The following TLCD4 variants were observed in gnomAD, a reference collection of about 807,000 sequenced individuals.
TLCD4 encodes TLC domain containing 4.
Under a neutral mutation model 24.2 loss-of-function variants are expected in TLCD4, and 7 were observed. That is an observed-to-expected ratio of 0.29 (90% CI 0.16 to 0.54). The LOEUF (loss-of-function observed/expected upper bound fraction) is 0.54, where lower values mean the gene tolerates loss of function less well. Ranked by LOEUF, TLCD4 falls within the 20% of genes least tolerant of loss-of-function variation. The pLI, the probability that TLCD4 is intolerant of heterozygous loss-of-function variation, is 0.95. For missense variants in TLCD4, 259 were observed against 313.9 expected, an observed-to-expected ratio of 0.82 and a Z score of 1.32; for synonymous variants, 103 against 106.4, an observed-to-expected ratio of 0.97 and a Z score of 0.20.
At chr1:95,185,660 A>G (rs555669563) in intron 6 of TLCD4, among the ~76,000 whole-genome samples, 15 of 152,318 alleles carry the variant, frequency 9.8e-5, no homozygotes, top group Admixed American at 8.5e-4. Context: ...AATAGTACAT[A>G]TATTTTCTTT....
At chr1:95,157,665 T>C (rs1677671629) in intron 5 of TLCD4, among the ~76,000 whole-genome samples, 2 of 152,288 alleles carry the variant, frequency 1.3e-5, no homozygotes, top group South Asian at 4.1e-4. Flanking sequence ...AAAGGCTCAT[T>C]GGTAGGAGTT....
At chr1:95,142,806 C>G (rs1250357668) in intron 1 of TLCD4, among the ~76,000 whole-genome samples, 3 of 151,974 alleles carry the variant, frequency 2.0e-5, no homozygotes, top group Non-Finnish European at 4.4e-5. Flanking sequence ...AAAAATTAAC[C>G]GAGTGTGGTG....
chr1:95,186,763 T>C (rs1678843729), intron 6 of TLCD4, among the ~76,000 whole-genome samples: 1 of 152,240 alleles, frequency 6.6e-6, no homozygotes, highest in South Asian at 2.1e-4. Context: ...ATTATTTCAT[T>C]AATTTAGCCA....
At chr1:95,111,319 A>AG in the TLCD4 span, among the ~76,000 whole-genome samples, 1 of 58,136 alleles carries the variant, frequency 1.7e-5, no homozygotes, top group African/African-American at 5.7e-5. Flanking sequence ...AAAACAAAAC[A>AG]AAAAAAAAGA....
chr1:95,178,729 C>T (rs1409974827), intron 6 of TLCD4, among the ~76,000 whole-genome samples: 1 of 152,050 alleles, frequency 6.6e-6, no homozygotes, highest in Non-Finnish European at 1.5e-5. Context: ...TTGCAATGAC[C>T]TTGGACAAGT....
chr1:95,158,279 C>T (rs540257325), intron 5 of TLCD4, among the ~76,000 whole-genome samples: 1 of 151,228 alleles, frequency 6.6e-6, no homozygotes, highest in East Asian at 2.0e-4. Context: ...CCTTGACCTC[C>T]CAGGGCCAAG....
rs1679076233 is a variant in TLCD4, at chr1:95,192,993, C to T, written c.*1125C>T. On this transcript the variant is annotated 3_prime_UTR_variant, in exon 7 of 7. Coordinates refer to ENST00000370203, the MANE Select transcript of TLCD4 (RefSeq NM_152487.3). ...TTTTAACACTGTTTATCCCTATCTGCTTTCCTTGCACTTTTTCTGTGAAAA... is the reference window on the plus strand; with the variant it reads ...TTTTAACACTGTTTATCCCTATCTGTTTTCCTTGCACTTTTTCTGTGAAAA... The T allele has an allele frequency of 1.3e-5, 2 of 152,118 alleles. No homozygotes were observed. Among genetic ancestry groups the T allele is most frequent in the Admixed American group, 1.3e-4 (2 of 15,282 alleles). 9.4% of individuals were successfully genotyped at this position (152,118 alleles called of 1,614,324 possible).
chr1:95,176,912 T>C (rs1678450171), intron 6 of TLCD4, among the ~76,000 whole-genome samples: 1 of 152,210 alleles, frequency 6.6e-6, no homozygotes. Flanking sequence ...CCCCATTGTG[T>C]AGTCTTGGTA....
At chr1:95,131,089 TGGAA>T (rs1478463738) in intron 1 of TLCD4, among the ~76,000 whole-genome samples, 9 of 152,212 alleles carry the variant, frequency 5.9e-5, no homozygotes, top group Non-Finnish European at 1.2e-4. Flanking sequence ...ATAAATTACA[TGGAA>T]GACATTGTGT....
chr1:95,119,834 C>T (rs1018460191), intron 1 of TLCD4, among the ~76,000 whole-genome samples: 1 of 151,214 alleles, frequency 6.6e-6, no homozygotes, highest in African/African-American at 2.4e-5. Context: ...CAAATTAGTC[C>T]CACATCCTAC....
intron 6 of TLCD4, among the ~76,000 whole-genome samples, chr1:95,181,111 AATT>A (rs1394847830): frequency 6.6e-6 from 1 of 152,168 alleles, no homozygotes; most frequent in Non-Finnish European, 1.5e-5. Context: ...AAAAACAAAA[AATT>A]ATTACCTCAT....
chr1:95,154,650 T>G (rs894705967), intron 5 of TLCD4, among the ~76,000 whole-genome samples: 6 of 152,122 alleles, frequency 3.9e-5, no homozygotes, highest in Admixed American at 2.6e-4. Context: ...CTGTTTCACA[T>G]GAGTCTGATT....
chr1:95,101,638 T>C, the TLCD4 span, among the ~76,000 whole-genome samples: 1 of 152,298 alleles, frequency 6.6e-6, no homozygotes, highest in East Asian at 1.9e-4. Context: ...TGTTTGTTTT[T>C]GTCTTTTTAA....
At chr1:95,181,628 G>A (rs1473311294) in intron 6 of TLCD4, among the ~76,000 whole-genome samples, 1 of 136,444 alleles carries the variant, frequency 7.3e-6, no homozygotes, top group African/African-American at 2.6e-5. Flanking sequence ...ATGGAGTCTC[G>A]CATTGTCACC....
intron 2 of TLCD4, among the ~76,000 whole-genome samples, chr1:95,145,111 C>T (rs1225867631): frequency 6.6e-6 from 1 of 152,182 alleles, no homozygotes; most frequent in East Asian, 1.9e-4. Flanking sequence ...TTTATGTCCC[C>T]AAACATCACT....
At chr1:95,138,647 A>G (rs1677110811) in intron 1 of TLCD4, 1 of 152,082 alleles carries the variant, frequency 6.6e-6, no homozygotes, top group Non-Finnish European at 1.5e-5. Context: ...TGTACTGAAT[A>G]CATTGTGTAG....
chr1:95,142,077 G>C (rs536621107), intron 1 of TLCD4, among the ~76,000 whole-genome samples: 6 of 149,258 alleles, frequency 4.0e-5, no homozygotes, highest in Admixed American at 1.3e-4. Context: ...CTTTATCAAA[G>C]ATGGAGCCAT....
At chr1:95,120,288 T>TA (rs1317087794) in intron 1 of TLCD4, 3 of 152,178 alleles carry the variant, frequency 2.0e-5, no homozygotes, top group African/African-American at 7.2e-5. Flanking sequence ...ATTAGGAAAG[T>TA]AAGGCTAATT....
the TLCD4 span, among the ~76,000 whole-genome samples, chr1:95,109,912 CATATATATATATATATATATAT>C: frequency 8.3e-4 from 67 of 80,260 alleles, 1 homozygote; most frequent in African/African-American, 1.7e-3. Context: ...TGTGTGTATG[CATATATATATATATATATATAT>C]ATATATATAT....
Sources: gnomAD v4.1 joint callset for allele counts (sites outside exome capture counted in the v4.1 genomes callset) on GRCh38, gnomAD v4.1.1 for gene constraint, MANE v1.5 for transcripts, NCBI Gene and HGNC (gene_info 2026-07-23, HGNC 2026-07-21) for gene names.